Variants in AREL1 observed in about 807,000 individuals in gnomAD.
AREL1 encodes apoptosis-resistant E3 ubiquitin protein ligase 1.
A neutral mutation model predicts 99.0 loss-of-function variants in AREL1; 62 were observed. The observed-to-expected ratio is 0.63, with a 90% confidence interval of 0.51 to 0.77. AREL1 has a LOEUF of 0.77. AREL1 is among the 30% of genes least tolerant of loss of function. The probability of loss-of-function intolerance (pLI) is 0.00; values close to 1 mark genes in which losing one functional copy is unlikely to be tolerated. For missense variants in AREL1, 879 were observed against 1,027.6 expected (o/e 0.86, Z 1.98); for synonymous variants, 380 against 376.5 (o/e 1.01, Z -0.11).
chr14:74,684,653 A>G lies in AREL1; in HGVS notation c.44T>C (p.Phe15Ser), dbSNP rs2089710165. The change falls in exon 4 of 20, where the codon TTC becomes TCC. Residue 15 changes from phenylalanine (F) to serine (S), a missense_variant. Coordinates refer to ENST00000356357, the MANE Select transcript of AREL1 (RefSeq NM_001039479.2). ...IGGITVSVVA[F>S]FFTIKFLFEL... ...AAAGAGGAACTTAATTGTGAAGAAG[A>G]ATGCAACCACAGACACTGTGATTCC... The G allele has an allele frequency of 1.2e-6, 2 of 1,614,076 alleles. No individual in the cohort carries two copies. Among genetic ancestry groups the G allele is most frequent in the African/African-American group, 1.3e-5 (1 of 74,928 alleles).
intron 1 of AREL1, among the ~76,000 whole-genome samples, chr14:74,696,275 C>T (rs1421837587): frequency 6.6e-6 from 1 of 152,200 alleles, no homozygotes; most frequent in Non-Finnish European, 1.5e-5. Flanking sequence ...TCCAGTTCTA[C>T]CATCTCTTCT....
Position 74,662,422 on chromosome 14 carries a change from A to G in AREL1, c.*1298T>C. The G allele has an allele frequency of 2.5e-6, 1 of 396,184 alleles. No individual in the cohort carries two copies. The highest frequency in any genetic ancestry group is 4.4e-5 in the Admixed American group (1 of 22,688). The allele number at this position is 396,184 out of a possible 1,614,324, so 24.5% of individuals were successfully genotyped here. ...GCAGCAAAGCCTTCTTAAAAACACA[A>G]ATTTGGGAAGTCAATGAGATTTTGA... On this transcript the variant is annotated 3_prime_UTR_variant, in exon 20 of 20. Transcript: ENST00000356357.
chr14:74,710,925 C>T (rs144108108), intron 1 of AREL1, among the ~76,000 whole-genome samples: 216 of 152,288 alleles, frequency 1.4e-3, no homozygotes, highest in Middle Eastern at 3.4e-3. Context: ...TCCAGTGCAA[C>T]TATGTTAAAA....
intron 2 of AREL1, among the ~76,000 whole-genome samples, chr14:74,689,700 G>A (rs1477829045): frequency 2.0e-5 from 3 of 147,680 alleles, no homozygotes; most frequent in East Asian, 2.1e-4. Context: ...GGGTTCAAGC[G>A]ATTCTCCTGC....
intron 1 of AREL1, among the ~76,000 whole-genome samples, chr14:74,706,852 T>C (rs1186961166): frequency 2.6e-5 from 4 of 152,186 alleles, no homozygotes; most frequent in African/African-American, 9.6e-5. Flanking sequence ...GATCAGCTCT[T>C]AGCTTCTCAG....
In AREL1 at chr14:74,676,504, G is replaced by A. The variant is rs150644312; in HGVS notation, c.651+79C>T. 1.4e-3 allele frequency: 2,059 copies of A among 1,494,106 alleles called. 4 individuals carry two copies. The highest frequency in any genetic ancestry group is 2.3e-3 in the Middle Eastern group (12 of 5,122). The allele number at this position is 1,494,106 out of a possible 1,614,324, so 92.6% of individuals were successfully genotyped here. On this transcript the variant is annotated intron_variant, in intron 6 of 19. Transcript: ENST00000356357. ...AGTCAAGGAGAAGGAAAGAGAGATCGAAGTGAATTAGGTGTGAGAATAACA... is the reference window on the plus strand; with the variant it reads ...AGTCAAGGAGAAGGAAAGAGAGATCAAAGTGAATTAGGTGTGAGAATAACA...
intron 2 of AREL1, among the ~76,000 whole-genome samples, chr14:74,689,963 C>G (rs938449449): frequency 2.6e-5 from 4 of 151,502 alleles, no homozygotes; most frequent in Non-Finnish European, 5.9e-5. Flanking sequence ...TAAAAATCCT[C>G]CAGGCTGGGC....
chr14:74,676,831 C>T, intron 5 of AREL1, 79 bp from the exon 6 acceptor site: 1 of 1,194,970 alleles, frequency 8.4e-7, no homozygotes, highest in South Asian at 2.2e-5. Flanking sequence ...GAGTCTCGCT[C>T]TTTCGCCCAG....
At chr14:74,670,242 G>C in intron 13 of AREL1, 116 bp from the exon 14 acceptor site, 2 of 1,083,372 alleles carry the variant, frequency 1.8e-6, no homozygotes, top group South Asian at 4.0e-5. Flanking sequence ...GTGAGGATCA[G>C]AGCCCATCCA....
At chr14:74,709,765 A>G (rs1266758621) in intron 1 of AREL1, among the ~76,000 whole-genome samples, 2 of 152,254 alleles carry the variant, frequency 1.3e-5, no homozygotes, top group East Asian at 1.9e-4. Flanking sequence ...TGTAAAAACT[A>G]TAACTTGAAA....
intron 1 of AREL1, among the ~76,000 whole-genome samples, chr14:74,711,718 C>G (rs1238474010): frequency 1.3e-5 from 2 of 151,922 alleles, no homozygotes; most frequent in Non-Finnish European, 1.5e-5. Context: ...CTGATAACAT[C>G]CCAATAAAAG....
chr14:74,707,133 C>T (rs945464107), intron 1 of AREL1, among the ~76,000 whole-genome samples: 1 of 152,198 alleles, frequency 6.6e-6, no homozygotes, highest in Non-Finnish European at 1.5e-5. Context: ...TTTGGGAGGC[C>T]GAGGCGGGCA....
In AREL1 at chr14:74,662,681, T is replaced by A; in HGVS notation, c.*1039A>T. 1 of 398,526 alleles carries A rather than the reference T, an allele frequency of 2.5e-6. No individual in the cohort carries two copies. 24.7% of individuals were successfully genotyped at this position (398,526 alleles called of 1,614,324 possible). On this transcript the variant is annotated 3_prime_UTR_variant, in exon 20 of 20. Coordinates refer to ENST00000356357, the MANE Select transcript of AREL1 (RefSeq NM_001039479.2). ...CCCTAGTGTCCTGACGCCAAGGACC[T>A]GTGATAAGCACGTAAACTCCTAGTC...
chr14:74,677,851 A>G (rs1326626797), intron 5 of AREL1, among the ~76,000 whole-genome samples: 1 of 151,898 alleles, frequency 6.6e-6, no homozygotes, highest in South Asian at 2.1e-4. Context: ...ACAGAAATAG[A>G]GAAATTTAAA....
chr14:74,685,721 T>C (rs909417292), intron 2 of AREL1, 61 bp from the exon 3 acceptor site: 1 of 1,469,264 alleles, frequency 6.8e-7, no homozygotes, highest in Non-Finnish European at 9.5e-7. Flanking sequence ...TATCTCAGAG[T>C]AAGACAAAGA....
intron 1 of AREL1, among the ~76,000 whole-genome samples, chr14:74,711,315 A>C (rs2090282419): frequency 6.6e-6 from 1 of 151,220 alleles, no homozygotes; most frequent in African/African-American, 2.4e-5. Flanking sequence ...CGAGGTGGGC[A>C]GATCACCTGA....
intron 15 of AREL1, 152 bp downstream of exon 15, chr14:74,669,497 G>C (rs1566679480): frequency 3.1e-6 from 3 of 956,308 alleles, no homozygotes; most frequent in Admixed American, 2.5e-5. Flanking sequence ...ACTAAAATGA[G>C]AAGTTCACTT....
chr14:74,664,484 C>T (rs1380432910), intron 18 of AREL1, among the ~76,000 whole-genome samples: 10 of 130,754 alleles, frequency 7.6e-5, no homozygotes, highest in Admixed American at 6.0e-4. Context: ...GAAAGAGTCT[C>T]GCTCTGTCAC....
At chr14:74,673,553 A>T in intron 9 of AREL1, among the ~76,000 whole-genome samples, 1 of 152,266 alleles carries the variant, frequency 6.6e-6, no homozygotes, top group Non-Finnish European at 1.5e-5. Context: ...ATTAAACAGC[A>T]ATAAATGACT....
Sources: gnomAD v4.1 joint callset for allele counts (sites outside exome capture counted in the v4.1 genomes callset) on GRCh38, gnomAD v4.1.1 for gene constraint, MANE v1.5 for transcripts, NCBI Gene and HGNC (gene_info 2026-07-23, HGNC 2026-07-21) for gene names.